AXDND1: variants seen among roughly 807,000 people sequenced by gnomAD.
The protein encoded by AXDND1 is axonemal dynein light chain domain containing 1, also known as axonemal dynein light chain domain-containing protein 1.
In AXDND1, 110 loss-of-function variants were observed where a neutral mutation model predicts 137.5. The ratio of observed to expected loss-of-function variants is 0.80; its 90% CI spans 0.69 to 0.94. AXDND1 has a LOEUF of 0.94. Ranked by LOEUF, AXDND1 falls within the 40% of genes least tolerant of loss-of-function variation. The pLI is 0.00. For synonymous variants in AXDND1, 414 were observed against 399.7 expected, an observed-to-expected ratio of 1.04 and a Z score of -0.43; for missense variants, 1,191 against 1,169.8, an observed-to-expected ratio of 1.02 and a Z score of -0.26.
chr1:179,502,866 C>T (rs1179799310), intron 20 of AXDND1, among the ~76,000 whole-genome samples: 5 of 151,754 alleles, frequency 3.3e-5, no homozygotes, highest in Admixed American at 6.6e-5. Context: ...GAGGCTGAGA[C>T]GGGTGGATCA....
At chr1:179,457,281 AG>A in intron 16 of AXDND1, 1 of 665,302 alleles carries the variant, frequency 1.5e-6, no homozygotes, top group South Asian at 1.7e-5. Flanking sequence ...CAACCGTCCA[AG>A]GAAGAGCTTC....
chr1:179,551,503 T>G, intron 25 of AXDND1: 1 of 1,604,570 alleles, frequency 6.2e-7, no homozygotes, highest in Non-Finnish European at 8.5e-7. Flanking sequence ...CCCTGAAGGC[T>G]TCACCACTAT....
chr1:179,448,146 G>A, intron 16 of AXDND1: 1 of 961,016 alleles, frequency 1.0e-6, no homozygotes, highest in Non-Finnish European at 1.7e-6. Context: ...CACACATGAA[G>A]TATCAGGGTC....
At chr1:179,384,166 C>T (rs974871980) in intron 8 of AXDND1, among the ~76,000 whole-genome samples, 1 of 152,108 alleles carries the variant, frequency 6.6e-6, no homozygotes, top group Admixed American at 6.5e-5. Context: ...AGAAAAAGTT[C>T]AATACAAGAC....
chr1:179,485,441 T>TA (rs1250181729), intron 18 of AXDND1, among the ~76,000 whole-genome samples: 1 of 152,144 alleles, frequency 6.6e-6, no homozygotes, highest in Non-Finnish European at 1.5e-5. Flanking sequence ...CTTGGACCCC[T>TA]AAAATCTTCC....
intron 21 of AXDND1, among the ~76,000 whole-genome samples, chr1:179,512,293 A>T (rs190005109): frequency 4.6e-5 from 7 of 152,292 alleles, no homozygotes; most frequent in African/African-American, 9.6e-5. Flanking sequence ...CTAGCCAATT[A>T]TCCCAGCACC....
At chr1:179,416,752 A>C (rs150703717) in intron 12 of AXDND1, among the ~76,000 whole-genome samples, 14 of 152,296 alleles carry the variant, frequency 9.2e-5, no homozygotes, top group African/African-American at 3.1e-4. Context: ...TGCACAAAAC[A>C]AGCATACCCT....
At chr1:179,391,953 T>TTA (rs1650274707) in intron 9 of AXDND1, among the ~76,000 whole-genome samples, 1 of 152,200 alleles carries the variant, frequency 6.6e-6, no homozygotes, top group South Asian at 2.1e-4. Context: ...GATTGTAAGT[T>TTA]TCCTGAGGCC....
intron 20 of AXDND1, among the ~76,000 whole-genome samples, chr1:179,508,479 GACA>G (rs1668736105): frequency 1.3e-5 from 2 of 152,146 alleles, no homozygotes; most frequent in South Asian, 2.1e-4. Context: ...TCCCAGAGAG[GACA>G]ACGTTTCCTA....
At chr1:179,396,385 C>T (rs1010185044) in intron 11 of AXDND1, among the ~76,000 whole-genome samples, 9 of 152,092 alleles carry the variant, frequency 5.9e-5, no homozygotes, top group African/African-American at 2.2e-4. Context: ...CACAGTGGCT[C>T]ACGCCTGTAA....
Position 179,366,551 on chromosome 1 carries a change from A to T in AXDND1, c.42A>T (p.Thr14=). The change falls in exon 2 of 26, where the codon ACA becomes ACT. Residue 14 remains threonine, a synonymous_variant. Transcript: ENST00000367618. ...PKTPSTPLNS[T]STSESKKLKV... ...CGCCCTCCACCCCGCTAAACTCTACATCAACATCTGAGAGCAAAAAGTTAA... is the reference window on the plus strand; with the variant it reads ...CGCCCTCCACCCCGCTAAACTCTACTTCAACATCTGAGAGCAAAAAGTTAA... 1 of 1,613,816 alleles carries T rather than the reference A, an allele frequency of 6.2e-7. No homozygotes were observed. Among genetic ancestry groups the T allele is most frequent in the Non-Finnish European group, 8.5e-7 (1 of 1,179,826 alleles).
chr1:179,440,210 A>G (rs533639254), intron 15 of AXDND1, among the ~76,000 whole-genome samples: 2 of 152,242 alleles, frequency 1.3e-5, no homozygotes, highest in Non-Finnish European at 2.9e-5. Context: ...AGGAATTCCT[A>G]TTTTGTGGGT....
chr1:179,422,086 T>A (rs1264323039), intron 12 of AXDND1, among the ~76,000 whole-genome samples: 2 of 151,988 alleles, frequency 1.3e-5, no homozygotes, highest in Non-Finnish European at 2.9e-5. Flanking sequence ...TTTCATTGAT[T>A]CCTTGTATTT....
At chr1:179,378,893 A>C in intron 5 of AXDND1, 136 bp downstream of exon 5, 1 of 691,024 alleles carries the variant, frequency 1.4e-6, no homozygotes, top group Middle Eastern at 5.4e-4. Flanking sequence ...ACCAATCTTC[A>C]TAGCATTTTC....
At chr1:179,483,918 C>A (rs371924085) in intron 18 of AXDND1, among the ~76,000 whole-genome samples, 15 of 152,100 alleles carry the variant, frequency 9.9e-5, no homozygotes, top group Non-Finnish European at 1.8e-4. Flanking sequence ...TGACTAAATT[C>A]AGCCAGGAGA....
chr1:179,435,759 A>G (rs113781818), intron 15 of AXDND1, among the ~76,000 whole-genome samples: 2,674 of 152,286 alleles, frequency 0.018, 64 homozygotes, highest in African/African-American at 0.059. Context: ...AGGCAATACC[A>G]TTCAGGACAT....
In AXDND1 at chr1:179,445,126, C is replaced by T. The variant is rs559196812; in HGVS notation, c.1720C>T (p.Arg574Ter). ...KSLEGEMPSERQYMEEIIKNI... is the reference protein window; with the variant it reads ...KSLEGEMPSE ...TTTGGAGGGGGAGATGCCATCAGAG[C>T]GACAGTACATGGAGGAAATTATCAA... The change falls in exon 16 of 26, where the codon CGA becomes TGA. Residue 574 changes from arginine to a stop codon, truncating the protein, a stop_gained. Transcript: ENST00000367618. LOFTEE classifies it high-confidence loss of function. The T allele has an allele frequency of 2.1e-5, 34 of 1,612,658 alleles. No homozygotes were observed. Among genetic ancestry groups the T allele is most frequent in the African/African-American group, 2.7e-5 (2 of 74,762 alleles).
intron 9 of AXDND1, among the ~76,000 whole-genome samples, chr1:179,390,542 TAA>T (rs1360910082): frequency 1.3e-5 from 2 of 152,214 alleles, no homozygotes; most frequent in East Asian, 1.9e-4. Context: ...CACTATACGT[TAA>T]GTCATGCTGT....
intron 23 of AXDND1, among the ~76,000 whole-genome samples, chr1:179,530,173 G>T (rs1485690623): frequency 6.6e-6 from 1 of 152,068 alleles, no homozygotes; most frequent in Non-Finnish European, 1.5e-5. Context: ...GGGATTACAG[G>T]TGCCCACCAC....
Sources: allele counts gnomAD v4.1 joint callset (sites outside exome capture counted in the v4.1 genomes callset), GRCh38; gene constraint gnomAD v4.1.1; transcripts MANE v1.5; gene names NCBI Gene and HGNC (gene_info 2026-07-23, HGNC 2026-07-21).